BACH2: variants seen among roughly 807,000 people sequenced by gnomAD.
BACH2 encodes transcription regulator protein BACH2.
Under a neutral mutation model 61.8 loss-of-function variants are expected in BACH2, and 5 were observed. The ratio of observed to expected loss-of-function variants is 0.08; its 90% CI spans 0.04 to 0.17. The LOEUF is 0.17. BACH2 is among the 10% of genes least tolerant of loss of function. BACH2 has a pLI of 1.00. For synonymous variants in BACH2, 446 were observed against 440.1 expected (o/e 1.01, Z -0.17); for missense variants, 824 against 1,091.1 (o/e 0.76, Z 3.45).
chr6:90,286,197 T>G (rs1184158319), intron 1 of BACH2, among the ~76,000 whole-genome samples: 1 of 152,218 alleles, frequency 6.6e-6, no homozygotes, highest in East Asian at 1.9e-4. Flanking sequence ...CCACAAGAAC[T>G]GGTAACAGAC....
At chr6:90,023,917 T>G (rs1313125574) in intron 5 of BACH2, among the ~76,000 whole-genome samples, 1 of 152,150 alleles carries the variant, frequency 6.6e-6, no homozygotes, top group Non-Finnish European at 1.5e-5. Context: ...CAGCCTATGG[T>G]ACTTTGTTAT....
chr6:90,199,877 A>T (rs1227249194), intron 4 of BACH2, among the ~76,000 whole-genome samples: 1 of 152,230 alleles, frequency 6.6e-6, no homozygotes, highest in Non-Finnish European at 1.5e-5. Context: ...ACTGACCAGG[A>T]CTGAGGGTCC....
intron 5 of BACH2, among the ~76,000 whole-genome samples, chr6:90,083,576 T>C (rs1263838357): frequency 2.6e-5 from 4 of 152,168 alleles, no homozygotes; most frequent in East Asian, 3.8e-4. Flanking sequence ...CCAATGACTA[T>C]AGGAGCTAAA....
chr6:90,115,237 A>G (rs901278937), intron 4 of BACH2, among the ~76,000 whole-genome samples: 1 of 152,144 alleles, frequency 6.6e-6, no homozygotes, highest in African/African-American at 2.4e-5. Flanking sequence ...AAAAAGAACA[A>G]AGCCTGAGGA....
At chr6:90,109,992 A>G (rs2127815563) in intron 4 of BACH2, among the ~76,000 whole-genome samples, 1 of 152,372 alleles carries the variant, frequency 6.6e-6, no homozygotes, top group South Asian at 2.1e-4. Context: ...CACAAATCAC[A>G]TATTTTATGA....
At chr6:90,123,657 C>G (rs1158924617) in intron 4 of BACH2, among the ~76,000 whole-genome samples, 1 of 149,130 alleles carries the variant, frequency 6.7e-6, no homozygotes, top group Non-Finnish European at 1.5e-5. Context: ...GTAGTCCCAG[C>G]TACTTGGGAG....
chr6:90,031,470 A>C (rs1778979643), intron 5 of BACH2, among the ~76,000 whole-genome samples: 6 of 152,196 alleles, frequency 3.9e-5, no homozygotes, highest in Admixed American at 3.9e-4. Flanking sequence ...TTCTCAGCCC[A>C]AAATCTCCTT....
intron 1 of BACH2, among the ~76,000 whole-genome samples, chr6:90,294,875 A>T: frequency 6.6e-6 from 1 of 152,218 alleles, no homozygotes; most frequent in East Asian, 1.9e-4. Context: ...GAAAACCGTT[A>T]TCAGCGTTAA....
chr6:89,954,515 C>T (rs529584895), intron 6 of BACH2, among the ~76,000 whole-genome samples: 24 of 100,418 alleles, frequency 2.4e-4, no homozygotes, highest in African/African-American at 9.0e-4. Flanking sequence ...ATCCTTATCA[C>T]CATTTTTTTT....
chr6:90,193,269 G>T (rs893483972), intron 4 of BACH2, among the ~76,000 whole-genome samples: 1 of 152,190 alleles, frequency 6.6e-6, no homozygotes, highest in Non-Finnish European at 1.5e-5. Flanking sequence ...GACCATTACA[G>T]ATGTAATTAG....
chr6:90,274,552 G>A (rs1771631314), intron 1 of BACH2, among the ~76,000 whole-genome samples: 1 of 152,172 alleles, frequency 6.6e-6, no homozygotes. Context: ...GGAAGTGGGT[G>A]CTGTACCTTT....
intron 4 of BACH2, among the ~76,000 whole-genome samples, chr6:90,200,530 T>C (rs1768921476): frequency 6.6e-6 from 1 of 152,190 alleles, no homozygotes; most frequent in South Asian, 2.1e-4. Context: ...ATCTCTGTTT[T>C]GACCACTCTC....
chr6:89,939,336 C>CT (rs1288992162), intron 7 of BACH2, among the ~76,000 whole-genome samples: 1 of 152,238 alleles, frequency 6.6e-6, no homozygotes, highest in Non-Finnish European at 1.5e-5. Flanking sequence ...CAGCCAACAT[C>CT]TGACTTCACC....
chr6:90,172,393 A>C (rs1206729958), intron 4 of BACH2, among the ~76,000 whole-genome samples: 2 of 152,080 alleles, frequency 1.3e-5, no homozygotes, highest in African/African-American at 4.8e-5. Context: ...CAGAATGTGA[A>C]GGAAAAAACA....
chr6:90,038,437 T>G (rs1779368192), intron 5 of BACH2, among the ~76,000 whole-genome samples: 1 of 152,236 alleles, frequency 6.6e-6, no homozygotes, highest in African/African-American at 2.4e-5. Context: ...CTTCTTGTGC[T>G]CAACATTATG....
At chr6:90,201,721 G>A (rs576097298) in intron 4 of BACH2, among the ~76,000 whole-genome samples, 1 of 152,164 alleles carries the variant, frequency 6.6e-6, no homozygotes, top group East Asian at 1.9e-4. Context: ...AATTAATAAG[G>A]CCTTCTTTAT....
intron 4 of BACH2, among the ~76,000 whole-genome samples, chr6:90,135,574 G>C (rs550852927): frequency 6.6e-6 from 1 of 152,200 alleles, no homozygotes; most frequent in Non-Finnish European, 1.5e-5. Flanking sequence ...AAATTAGCCA[G>C]GCATGGTGGT....
chr6:89,949,298 G>A (rs745459339), intron 7 of BACH2, among the ~76,000 whole-genome samples: 2 of 152,156 alleles, frequency 1.3e-5, no homozygotes, highest in Non-Finnish European at 2.9e-5. Flanking sequence ...GTTCAATCCC[G>A]CTCCTGAGGG....
intron 6 of BACH2, among the ~76,000 whole-genome samples, chr6:89,977,126 A>G (rs1582128746): frequency 6.6e-6 from 1 of 152,334 alleles, no homozygotes; most frequent in East Asian, 1.9e-4. Context: ...AGGATATACA[A>G]TGAACTTTCT....
Sources: allele counts gnomAD v4.1 joint callset (sites outside exome capture counted in the v4.1 genomes callset), GRCh38; gene constraint gnomAD v4.1.1; transcripts MANE v1.5; gene names NCBI Gene and HGNC (gene_info 2026-07-23, HGNC 2026-07-21).